Variants in MAPKAP1 observed in about 807,000 individuals in gnomAD.
MAPKAP1 encodes MAPK associated protein 1.
A neutral mutation model predicts 65.7 loss-of-function variants in MAPKAP1; 20 were observed. The observed-to-expected ratio is 0.30, with a 90% CI of 0.21 to 0.44. The LOEUF (loss-of-function observed/expected upper bound fraction) is 0.44, where lower values mean the gene tolerates loss of function less well. Ranked by LOEUF, MAPKAP1 falls within the 20% of genes least tolerant of loss-of-function variation. The probability of loss-of-function intolerance (pLI) is 1.00; values close to 1 mark genes in which losing one functional copy is unlikely to be tolerated. For missense variants in MAPKAP1, 423 were observed against 648.0 expected (o/e 0.65, Z 3.77); for synonymous variants, 222 against 244.3 (o/e 0.91, Z 0.85).
At chr9:125,506,758 T>TTA (rs1829154427) in intron 7 of MAPKAP1, among the ~76,000 whole-genome samples, 1 of 152,234 alleles carries the variant, frequency 6.6e-6, no homozygotes, top group East Asian at 1.9e-4. Flanking sequence ...GTAGGAATAG[T>TTA]TATACCTTGA....
At chr9:125,511,857 G>A (rs1487079189) in intron 7 of MAPKAP1, among the ~76,000 whole-genome samples, 2 of 152,206 alleles carry the variant, frequency 1.3e-5, no homozygotes, top group Non-Finnish European at 2.9e-5. Flanking sequence ...ACAAAAGGAA[G>A]ATTCTGGGAA....
chr9:125,509,256 T>A (rs1332907305), intron 7 of MAPKAP1, among the ~76,000 whole-genome samples: 1 of 141,692 alleles, frequency 7.1e-6, no homozygotes, highest in Non-Finnish European at 1.5e-5. Context: ...ATATAAACAT[T>A]ATGTATGAAT....
intron 4 of MAPKAP1, among the ~76,000 whole-genome samples, chr9:125,598,905 T>C (rs1442244094): frequency 1.3e-5 from 2 of 151,672 alleles, no homozygotes; most frequent in Non-Finnish European, 2.9e-5. Flanking sequence ...CCAGGCGTGG[T>C]GGCAGGCACC....
intron 1 of MAPKAP1, among the ~76,000 whole-genome samples, chr9:125,687,614 A>AC (rs1419060408): frequency 1.7e-5 from 1 of 58,922 alleles, no homozygotes; most frequent in Non-Finnish European, 4.4e-5. Context: ...CCACCTATAC[A>AC]AAAAAAAAAA....
intron 9 of MAPKAP1, among the ~76,000 whole-genome samples, chr9:125,470,651 T>A (rs987923533): frequency 2.0e-5 from 3 of 152,228 alleles, no homozygotes; most frequent in African/African-American, 7.2e-5. Flanking sequence ...ACAGAACACT[T>A]TCCCAATGAC....
chr9:125,469,008 C>T (rs993569597), intron 9 of MAPKAP1, among the ~76,000 whole-genome samples: 10 of 152,154 alleles, frequency 6.6e-5, no homozygotes, highest in African/African-American at 1.9e-4. Context: ...GCCCGCCACA[C>T]ACCACCTAGG....
chr9:125,693,838 T>TACACACAC (rs1197235568), intron 1 of MAPKAP1, among the ~76,000 whole-genome samples: 3 of 117,294 alleles, frequency 2.6e-5, no homozygotes, highest in African/African-American at 5.0e-5. Flanking sequence ...CACATATATA[T>TACACACAC]ACACACATAC....
chr9:125,666,948 A>G (rs532323455), intron 3 of MAPKAP1, among the ~76,000 whole-genome samples: 2 of 152,346 alleles, frequency 1.3e-5, no homozygotes, highest in African/African-American at 4.8e-5. Flanking sequence ...TGGTCTGGCC[A>G]GAATCAGGGA....
At chr9:125,554,578 T>A (rs1830681811) in intron 6 of MAPKAP1, among the ~76,000 whole-genome samples, 1 of 151,990 alleles carries the variant, frequency 6.6e-6, no homozygotes, top group Non-Finnish European at 1.5e-5. Context: ...GCAGGAGGAC[T>A]GCTTGAGCTC....
At chr9:125,519,638 CATATATATGTCTTTTATATAT>C (rs1338330956) in intron 7 of MAPKAP1, among the ~76,000 whole-genome samples, 2 of 134,796 alleles carry the variant, frequency 1.5e-5, no homozygotes, top group East Asian at 4.7e-4. Flanking sequence ...AATATATATA[CATATATATGTCTTTTATATAT>C]ATATATATAT....
chr9:125,636,744 C>G (rs989806933), intron 4 of MAPKAP1, among the ~76,000 whole-genome samples: 2 of 152,210 alleles, frequency 1.3e-5, no homozygotes. Flanking sequence ...GCCAGGTGAT[C>G]TGCACCACTC....
At chr9:125,637,354 G>A (rs1833453889) in intron 4 of MAPKAP1, among the ~76,000 whole-genome samples, 1 of 152,090 alleles carries the variant, frequency 6.6e-6, no homozygotes, top group Non-Finnish European at 1.5e-5. Flanking sequence ...GATAAAAGGT[G>A]GTTCAAGTAT....
intron 7 of MAPKAP1, among the ~76,000 whole-genome samples, chr9:125,529,972 T>C (rs1321339737): frequency 2.6e-5 from 4 of 152,238 alleles, no homozygotes; most frequent in African/African-American, 7.2e-5. Context: ...GTGCCACTAC[T>C]TATAATTTAC....
chr9:125,561,312 C>G (rs143057610), intron 5 of MAPKAP1, among the ~76,000 whole-genome samples: 1 of 152,262 alleles, frequency 6.6e-6, no homozygotes, highest in East Asian at 1.9e-4. Flanking sequence ...GAGCCTACTT[C>G]AGGCGATCTA....
chr9:125,706,339 T>C (rs1375125891), intron 1 of MAPKAP1, among the ~76,000 whole-genome samples: 1 of 152,088 alleles, frequency 6.6e-6, no homozygotes, highest in African/African-American at 2.4e-5. Flanking sequence ...CATGGTGCTT[T>C]GTACAGTGCC....
At chr9:125,596,503 A>G in intron 4 of MAPKAP1, 1 of 737,174 alleles carries the variant, frequency 1.4e-6, no homozygotes, top group Non-Finnish European at 2.5e-6. Flanking sequence ...GATGAAAGGA[A>G]ACTTTGGAGG....
intron 8 of MAPKAP1, among the ~76,000 whole-genome samples, chr9:125,493,717 C>T (rs542477007): frequency 6.6e-6 from 1 of 152,366 alleles, no homozygotes; most frequent in African/African-American, 2.4e-5. Flanking sequence ...CTAACACACA[C>T]TAAGTGCTTA....
chr9:125,465,579 A>G (rs1298320110), intron 10 of MAPKAP1, among the ~76,000 whole-genome samples: 1 of 152,194 alleles, frequency 6.6e-6, no homozygotes, highest in Non-Finnish European at 1.5e-5. Context: ...ATGTGGAATA[A>G]CTTTTGGATT....
intron 5 of MAPKAP1, among the ~76,000 whole-genome samples, chr9:125,574,070 A>G (rs1831321298): frequency 6.6e-6 from 1 of 152,226 alleles, no homozygotes; most frequent in South Asian, 2.1e-4. Context: ...TGTTGAATGC[A>G]TGAATGAATA....
Sources: allele counts gnomAD v4.1 joint callset (sites outside exome capture counted in the v4.1 genomes callset), GRCh38; gene constraint gnomAD v4.1.1; transcripts MANE v1.5; gene names NCBI Gene and HGNC (gene_info 2026-07-23, HGNC 2026-07-21).